NSMCE2: variants seen among roughly 807,000 people sequenced by gnomAD.
NSMCE2 encodes the protein NSE2 SUMO ligase component of SMC5/6 complex.
In NSMCE2, 24 loss-of-function variants were observed where a neutral mutation model predicts 23.8. The observed-to-expected ratio is 1.01, with a 90% CI of 0.73 to 1.42. The LOEUF (loss-of-function observed/expected upper bound fraction) is 1.42, where lower values mean the gene tolerates loss of function less well. Ranked by LOEUF, NSMCE2 falls within the 40% of genes most tolerant of loss-of-function variation. The probability of loss-of-function intolerance (pLI) is 0.00; values close to 1 mark genes in which losing one functional copy is unlikely to be tolerated. For synonymous variants in NSMCE2, 92 were observed against 94.1 expected (o/e 0.98, Z 0.13); for missense variants, 284 against 296.5 (o/e 0.96, Z 0.31).
chr8:125,205,265 C>G (rs1421902175), intron 5 of NSMCE2, among the ~76,000 whole-genome samples: 1 of 152,168 alleles, frequency 6.6e-6, no homozygotes, highest in East Asian at 1.9e-4. Context: ...AAGCTTTCAT[C>G]TGGAGAAGAG....
intron 5 of NSMCE2, among the ~76,000 whole-genome samples, chr8:125,194,327 T>C (rs79452480): frequency 0.1 from 15,913 of 152,208 alleles, 1,170 homozygotes; most frequent in Non-Finnish European, 0.17. Flanking sequence ...TCCAGAATGT[T>C]GTATAGGTAG....
At chr8:125,196,603 G>T (rs888883972) in intron 5 of NSMCE2, among the ~76,000 whole-genome samples, 4 of 152,098 alleles carry the variant, frequency 2.6e-5, no homozygotes, top group Non-Finnish European at 5.9e-5. Flanking sequence ...GTCTATCATT[G>T]TTGGACATTT....
intron 3 of NSMCE2, among the ~76,000 whole-genome samples, chr8:125,145,616 T>G (rs1820634735): frequency 6.6e-6 from 1 of 152,144 alleles, no homozygotes; most frequent in Non-Finnish European, 1.5e-5. Context: ...AGTGAAGGAA[T>G]TTGAATATTC....
At chr8:125,322,398 A>C (rs1363826829) in intron 5 of NSMCE2, among the ~76,000 whole-genome samples, 1 of 152,238 alleles carries the variant, frequency 6.6e-6, no homozygotes, top group Non-Finnish European at 1.5e-5. Flanking sequence ...ATAGATGCAG[A>C]AAAAGCATTT....
rs963885299 is a variant in NSMCE2, at chr8:125,366,640, A to C, written c.627-128A>C. 3 of 670,892 alleles carry C rather than the reference A, an allele frequency of 4.5e-6. No homozygotes were observed. The Admixed American group carries it at 7.3e-5, about 16-fold the overall frequency. The allele number at this position is 670,892 out of a possible 1,614,324, so 41.6% of individuals were successfully genotyped here. On this transcript the variant is annotated intron_variant, in intron 7 of 7. Transcript: ENST00000287437. The stretch of plus-strand genomic sequence containing the variant: ...GGACTCAGTGAATAAATGAATGAGC[A>C]CAGCTTGGTCCTGATTTTGACACTT...
At chr8:125,330,177 C>CTTTTTTTTTTTTTTTTTTTTTTT (rs34345598) in intron 5 of NSMCE2, among the ~76,000 whole-genome samples, 1 of 119,122 alleles carries the variant, frequency 8.4e-6, no homozygotes. Flanking sequence ...TTTCTTTTTT[C>CTTTTTTTTTTTTTTTTTTTTTTT]TTTCTTTTTT....
chr8:125,170,770 A>G (rs138072255), intron 4 of NSMCE2, among the ~76,000 whole-genome samples: 143 of 152,042 alleles, frequency 9.4e-4, no homozygotes, highest in African/African-American at 3.1e-3. Context: ...TGTTTCTCCT[A>G]CTGTCACCCT....
intron 1 of NSMCE2, among the ~76,000 whole-genome samples, chr8:125,099,441 G>C (rs890493019): frequency 6.6e-5 from 10 of 152,080 alleles, no homozygotes; most frequent in African/African-American, 2.4e-4. Context: ...GGCTGTATTT[G>C]ATTTGGGTAT....
chr8:125,258,442 T>G (rs1340031035), intron 5 of NSMCE2, among the ~76,000 whole-genome samples: 1 of 147,964 alleles, frequency 6.8e-6, no homozygotes, highest in Non-Finnish European at 1.5e-5. Context: ...GCCCCACCCC[T>G]ATCCCATTCA....
intron 3 of NSMCE2, among the ~76,000 whole-genome samples, chr8:125,134,302 A>C (rs536624594): frequency 6.6e-6 from 1 of 152,348 alleles, no homozygotes; most frequent in African/African-American, 2.4e-5. Context: ...TATATAGTTA[A>C]ATGTACTTTT....
Position 125,210,737 on chromosome 8 carries a change from A to G in NSMCE2, c.418+28481A>G, listed in dbSNP as rs113845230. On this transcript the variant is annotated intron_variant, in intron 5 of 7. Coordinates refer to ENST00000287437, the MANE Select transcript of NSMCE2 (RefSeq NM_173685.4). ...TTATTTTTTTATTTTTGTTTGAGACAGGGTCTCACTCTGTTGCCAAGGCTG... is the reference window on the plus strand; with the variant it reads ...TTATTTTTTTATTTTTGTTTGAGACGGGGTCTCACTCTGTTGCCAAGGCTG... Among the ~76,000 whole-genome samples the G allele has an allele frequency of 2.1e-3, 319 of 152,062 alleles. 2 individuals carry two copies. Among genetic ancestry groups the G allele is most frequent in the African/African-American group, 7.5e-3 (311 of 41,458 alleles).
intron 7 of NSMCE2, among the ~76,000 whole-genome samples, chr8:125,365,963 G>A (rs1450597602): frequency 2.0e-5 from 3 of 152,182 alleles, no homozygotes; most frequent in African/African-American, 7.2e-5. Context: ...GCCACATAGA[G>A]CTTGCTGTCA....
At chr8:125,223,763 T>A (rs1824972932) in intron 5 of NSMCE2, among the ~76,000 whole-genome samples, 1 of 152,020 alleles carries the variant, frequency 6.6e-6, no homozygotes, top group Admixed American at 6.5e-5. Context: ...TCTTGGCCAC[T>A]TATGTGTCTT....
At chr8:125,181,877 C>T (rs908774339) in intron 4 of NSMCE2, among the ~76,000 whole-genome samples, 2 of 152,076 alleles carry the variant, frequency 1.3e-5, no homozygotes, top group Non-Finnish European at 2.9e-5. Context: ...CACTAGCTTA[C>T]GGAAGCCAAA....
chr8:125,115,095 A>G (rs544200581), intron 3 of NSMCE2, among the ~76,000 whole-genome samples: 9 of 152,248 alleles, frequency 5.9e-5, no homozygotes, highest in African/African-American at 1.2e-4. Flanking sequence ...GACTTTGTAC[A>G]TTTTAGGTTC....
At chr8:125,362,365 C>T (rs1225482943) in intron 7 of NSMCE2, among the ~76,000 whole-genome samples, 2 of 152,222 alleles carry the variant, frequency 1.3e-5, no homozygotes, top group African/African-American at 4.8e-5. Flanking sequence ...ATCAACCTCG[C>T]CTCCAGGAAG....
At chr8:125,320,239 GGGAGGGAGGGAGGGAAGGAAGGAA>G (rs1829379928) in intron 5 of NSMCE2, among the ~76,000 whole-genome samples, 3 of 43,936 alleles carry the variant, frequency 6.8e-5, no homozygotes, top group African/African-American at 2.3e-4. Context: ...AGGGAAGGGA[GGGAGGGAGGGAGGGAAGGAAGGAA>G]GGAAGGAAGG....
intron 5 of NSMCE2, among the ~76,000 whole-genome samples, chr8:125,224,300 G>A (rs749851454): frequency 2.4e-4 from 36 of 152,260 alleles, no homozygotes; most frequent in African/African-American, 5.8e-4. Flanking sequence ...ATGCAGAAGC[G>A]TTTTAGTTTG....
chr8:125,224,192 C>T (rs1824994851), intron 5 of NSMCE2, among the ~76,000 whole-genome samples: 1 of 152,078 alleles, frequency 6.6e-6, no homozygotes, highest in Admixed American at 6.6e-5. Flanking sequence ...TGTTTGAGTT[C>T]CTTATGTATT....
Sources: allele counts gnomAD v4.1 joint callset (sites outside exome capture counted in the v4.1 genomes callset), GRCh38; gene constraint gnomAD v4.1.1; transcripts MANE v1.5; gene names NCBI Gene and HGNC (gene_info 2026-07-23, HGNC 2026-07-21).